The following SH3PXD2B variants were observed in gnomAD, a reference collection of about 807,000 sequenced individuals.
SH3PXD2B encodes the protein SH3 and PX domain-containing protein 2B.
A neutral mutation model predicts 73.1 loss-of-function variants in SH3PXD2B; 37 were observed. The ratio of observed to expected loss-of-function variants is 0.51; its 90% confidence interval spans 0.39 to 0.67. The LOEUF (loss-of-function observed/expected upper bound fraction) is 0.67. SH3PXD2B is among the 30% of genes least tolerant of loss of function. The pLI is 0.00. For missense variants in SH3PXD2B, 1,053 were observed against 1,197.8 expected, an observed-to-expected ratio of 0.88 and a Z score of 1.78; for synonymous variants, 457 against 480.5, an observed-to-expected ratio of 0.95 and a Z score of 0.64.
Position 172,333,758 on chromosome 5 carries a change from T to A in SH3PXD2B, c.*4611A>T. On this transcript the variant is annotated 3_prime_UTR_variant, in exon 13 of 13. Coordinates refer to ENST00000311601, the MANE Select transcript of SH3PXD2B (RefSeq NM_001017995.3). ...TGAGCAGACACGAGGTGGTGGGCAG[T>A]GCCCACTGTTCCTGGAGGGAGGTAA... is the stretch of plus-strand genomic sequence containing the variant. 1 of 1,289,328 alleles carries A rather than the reference T, an allele frequency of 7.8e-7. No individual in the cohort carries two copies. The highest frequency in any genetic ancestry group is 1.0e-6 in the Non-Finnish European group (1 of 988,792). The allele number at this position is 1,289,328 out of a possible 1,614,324, so 79.9% of individuals were successfully genotyped here. A position where few individuals can be genotyped will look rare whatever the true frequency, so the allele number is the denominator to read the frequency against.
At chr5:172,449,390 C>T (rs1416127792) in intron 1 of SH3PXD2B, among the ~76,000 whole-genome samples, 1 of 152,322 alleles carries the variant, frequency 6.6e-6, no homozygotes, top group South Asian at 2.1e-4. Context: ...GCATGTAGCC[C>T]AATTCCCACG....
chr5:172,444,811 T>A (rs766777731), intron 1 of SH3PXD2B, among the ~76,000 whole-genome samples: 1 of 152,146 alleles, frequency 6.6e-6, no homozygotes, highest in Non-Finnish European at 1.5e-5. Context: ...CTCCTCCCGC[T>A]ACTCCAGTGA....
In SH3PXD2B at chr5:172,334,410, T is replaced by A. The variant is rs550386506; in HGVS notation, c.*3959A>T. 9.8e-5 allele frequency: 97 copies of A among 989,062 alleles called. No individual in the cohort carries two copies. In the African/African-American group the frequency reaches 1.4e-3, roughly 14 times the overall value. The allele number at this position is 989,062 out of a possible 1,614,324, so 61.3% of individuals were successfully genotyped here. On this transcript the variant is annotated 3_prime_UTR_variant, in exon 13 of 13. Transcript: ENST00000311601. ...AGGCCTCGATGCATGCTGCTCTACC[T>A]CTCATCAGCCCACAGTCTGACACGA...
chr5:172,420,000 T>G (rs78495295), intron 2 of SH3PXD2B, among the ~76,000 whole-genome samples: 10 of 152,338 alleles, frequency 6.6e-5, no homozygotes, highest in East Asian at 3.9e-4. Context: ...GTAAAGAATG[T>G]GGAGGGTCCT....
Position 172,335,761 on chromosome 5 carries a change from G to T in SH3PXD2B, c.*2608C>A. 8.1e-7 allele frequency: 1 copy of T among 1,230,990 alleles called. No individual in the cohort carries two copies. Among genetic ancestry groups the T allele is most frequent in the South Asian group, 4.2e-5 (1 of 23,922 alleles). 76.3% of individuals were successfully genotyped at this position (1,230,990 alleles called of 1,614,324 possible). On this transcript the variant is annotated 3_prime_UTR_variant, in exon 13 of 13. Transcript: ENST00000311601. ...CCCAGGCAAGGACAGCTAGGAGAGT[G>T]ACTGGCCACCCTGACCCACCCACTG...
downstream of SH3PXD2B, among the ~76,000 whole-genome samples, chr5:172,330,922 C>T (rs997361865): frequency 2.0e-5 from 3 of 152,226 alleles, no homozygotes; most frequent in Admixed American, 6.5e-5. Flanking sequence ...TGGCTGGGCG[C>T]GGTGGCTCAC....
chr5:172,414,100 G>GAT (rs1021654060), intron 2 of SH3PXD2B, among the ~76,000 whole-genome samples: 13 of 152,216 alleles, frequency 8.5e-5, no homozygotes, highest in African/African-American at 3.1e-4. Context: ...CTTATGGGCA[G>GAT]ATAGTCTTAA....
intron 3 of SH3PXD2B, among the ~76,000 whole-genome samples, chr5:172,398,903 G>C (rs530755735): frequency 6.6e-6 from 1 of 152,156 alleles, no homozygotes; most frequent in South Asian, 2.1e-4. Context: ...TTCAGCTTCT[G>C]GTTTTCGCTT....
chr5:172,446,887 T>C (rs1311179178), intron 1 of SH3PXD2B, among the ~76,000 whole-genome samples: 2 of 152,208 alleles, frequency 1.3e-5, no homozygotes, highest in African/African-American at 4.8e-5. Flanking sequence ...AGACCTTCCC[T>C]CGTGGTATTT....
At chr5:172,420,771 T>C (rs988398072) in intron 2 of SH3PXD2B, among the ~76,000 whole-genome samples, 8 of 152,320 alleles carry the variant, frequency 5.3e-5, no homozygotes, top group Non-Finnish European at 7.4e-5. Context: ...ATGTGTTTGC[T>C]GGGATTTCTG....
chr5:172,374,609 G>A (rs1156706413), intron 5 of SH3PXD2B, among the ~76,000 whole-genome samples: 1 of 152,236 alleles, frequency 6.6e-6, no homozygotes, highest in Non-Finnish European at 1.5e-5. Flanking sequence ...TTGAACCTGG[G>A]AGGTGGAGGT....
intron 2 of SH3PXD2B, among the ~76,000 whole-genome samples, chr5:172,406,620 C>T (rs1385042497): frequency 2.0e-5 from 3 of 152,088 alleles, no homozygotes; most frequent in Non-Finnish European, 2.9e-5. Flanking sequence ...GGTTCTCCAT[C>T]CACAGGATCT....
At chr5:172,362,225 T>G (rs1249698000) in intron 7 of SH3PXD2B, among the ~76,000 whole-genome samples, 2 of 152,152 alleles carry the variant, frequency 1.3e-5, no homozygotes, top group Non-Finnish European at 2.9e-5. Flanking sequence ...TGAACCACTG[T>G]GAAATGTGGA....
intron 4 of SH3PXD2B, among the ~76,000 whole-genome samples, chr5:172,383,760 G>T (rs1757998470): frequency 6.6e-6 from 1 of 152,294 alleles, no homozygotes; most frequent in East Asian, 1.9e-4. Flanking sequence ...TCAGTTCCCT[G>T]GTGCCTCTCA....
chr5:172,368,630 A>AAC (rs1491172387), intron 6 of SH3PXD2B, among the ~76,000 whole-genome samples: 1 of 11,554 alleles, frequency 8.7e-5, no homozygotes, highest in African/African-American at 6.8e-4. Context: ...ATATATATAT[A>AAC]ATATATATGT....
intron 6 of SH3PXD2B, among the ~76,000 whole-genome samples, chr5:172,368,458 T>TATATATATTATATATATATATATAAA (rs1757575736): frequency 1.8e-5 from 1 of 56,652 alleles, no homozygotes; most frequent in Non-Finnish European, 3.1e-5. Context: ...AATGCTTATA[T>TATATATATTATATATATATATATAAA]ATATATATAT....
intron 12 of SH3PXD2B, among the ~76,000 whole-genome samples, chr5:172,341,178 G>A (rs1379495886): frequency 3.3e-5 from 5 of 152,162 alleles, no homozygotes; most frequent in African/African-American, 7.2e-5. Flanking sequence ...ACCCAAATTC[G>A]TATGTTGAAG....
At chr5:172,349,158 T>C (rs943118660) in intron 10 of SH3PXD2B, among the ~76,000 whole-genome samples, 8 of 152,338 alleles carry the variant, frequency 5.3e-5, no homozygotes, top group African/African-American at 1.7e-4. Flanking sequence ...TGCCACAGCA[T>C]GTGAGAAAAC....
intron 3 of SH3PXD2B, among the ~76,000 whole-genome samples, chr5:172,403,058 C>A (rs1191976600): frequency 6.6e-6 from 1 of 152,260 alleles, no homozygotes; most frequent in Non-Finnish European, 1.5e-5. Context: ...GGCAGCGGCC[C>A]CGGCCTGTGC....
Sources: gnomAD v4.1 joint callset for allele counts (sites outside exome capture counted in the v4.1 genomes callset) on GRCh38, gnomAD v4.1.1 for gene constraint, MANE v1.5 for transcripts, NCBI Gene and HGNC (gene_info 2026-07-23, HGNC 2026-07-21) for gene names.